EEPD1: variants seen among roughly 807,000 people sequenced by gnomAD.
EEPD1 encodes endonuclease/exonuclease/phosphatase family domain containing 1.
A neutral mutation model predicts 46.3 loss-of-function variants in EEPD1; 17 were observed. The ratio of observed to expected loss-of-function variants is 0.37; its 90% CI spans 0.25 to 0.55. The LOEUF is 0.55. Ranked by LOEUF, EEPD1 falls within the 20% of genes least tolerant of loss-of-function variation. EEPD1 has a pLI of 0.83. For synonymous variants in EEPD1, 313 were observed against 315.6 expected, an observed-to-expected ratio of 0.99 and a Z score of 0.09; for missense variants, 673 against 745.6, an observed-to-expected ratio of 0.90 and a Z score of 1.13.
At chr7:36,199,502 G>A (rs1402688876) in intron 2 of EEPD1, among the ~76,000 whole-genome samples, 5 of 152,100 alleles carry the variant, frequency 3.3e-5, no homozygotes, top group African/African-American at 9.7e-5. Context: ...TCCTGGGTTA[G>A]CAGTCATGAC....
At chr7:36,198,332 AAAAAG>A (rs1165833755) in intron 2 of EEPD1, among the ~76,000 whole-genome samples, 4 of 141,624 alleles carry the variant, frequency 2.8e-5, no homozygotes, top group Non-Finnish European at 6.2e-5. Context: ...AAGAAAAAAA[AAAAAG>A]AAAAGAAAAA....
At chr7:36,209,592 A>G (rs1785887911) in intron 2 of EEPD1, among the ~76,000 whole-genome samples, 1 of 152,170 alleles carries the variant, frequency 6.6e-6, no homozygotes, top group Non-Finnish European at 1.5e-5. Flanking sequence ...ATGGGAGGCT[A>G]TTAAGAGCCA....
At chr7:36,265,506 A>T (rs909746304) in intron 3 of EEPD1, among the ~76,000 whole-genome samples, 3 of 152,202 alleles carry the variant, frequency 2.0e-5, no homozygotes, top group Non-Finnish European at 1.5e-5. Context: ...GCTATTGTAA[A>T]CTGCCAGCTT....
chr7:36,275,396 T>C (rs1220347725), intron 3 of EEPD1, among the ~76,000 whole-genome samples: 1 of 152,222 alleles, frequency 6.6e-6, no homozygotes, highest in Non-Finnish European at 1.5e-5. Context: ...TAGTGGTAGC[T>C]GGACAGACCA....
At chr7:36,291,806 TCACAAGGTGTGG>T (rs1787445293) in intron 6 of EEPD1, among the ~76,000 whole-genome samples, 1 of 152,318 alleles carries the variant, frequency 6.6e-6, no homozygotes, top group East Asian at 1.9e-4. Flanking sequence ...AAAGCCTCCT[TCACAAGGTGTGG>T]CAGAAATGCC....
At position 36,219,802 on chromosome 7, in the gene EEPD1, AGAGAGTGTGT is replaced by A. The variant is rs1170482472; in HGVS notation, c.879-19181_879-19172del. 1.9e-3 allele frequency among the ~76,000 whole-genome samples: 127 copies of A among 67,316 alleles called. 2 individuals carry two copies. Among genetic ancestry groups the A allele is most frequent in the African/African-American group, 2.7e-3 (61 of 22,868 alleles). The allele number at this position is 67,316 out of a possible 152,430, so 44.2% of individuals were successfully genotyped here. A position where few individuals can be genotyped will look rare whatever the true frequency, so the allele number is the denominator to read the frequency against. On this transcript the variant is annotated intron_variant, in intron 2 of 7. Coordinates refer to ENST00000242108, the MANE Select transcript of EEPD1 (RefSeq NM_030636.3). ...GAGAGAGAGAGAGAGAGAGAGAGAGAGAGAGTGTGTGTGTGTGTGTGTGTGTGTGTGTGTG... is the reference window on the plus strand; with the variant it reads ...GAGAGAGAGAGAGAGAGAGAGAGAGAGTGTGTGTGTGTGTGTGTGTGTGTG...
chr7:36,263,144 C>T (rs144412656), intron 3 of EEPD1, among the ~76,000 whole-genome samples: 1 of 152,094 alleles, frequency 6.6e-6, no homozygotes, highest in Non-Finnish European at 1.5e-5. Flanking sequence ...CCAGCCTGGG[C>T]AACATGGTGA....
chr7:36,197,525 A>G (rs1017964265), intron 2 of EEPD1, among the ~76,000 whole-genome samples: 41 of 152,354 alleles, frequency 2.7e-4, no homozygotes, highest in African/African-American at 9.4e-4. Flanking sequence ...GTGTCTGTGT[A>G]GAAAGAGGTA....
At chr7:36,219,806 A>AGAGAGAGAGAGAGAGAGTGTGTGT (rs1341203087) in intron 2 of EEPD1, among the ~76,000 whole-genome samples, 2 of 75,402 alleles carry the variant, frequency 2.7e-5, no homozygotes, top group African/African-American at 9.1e-5. Context: ...AGAGAGAGAG[A>AGAGAGAGAGAGAGAGAGTGTGTGT]GTGTGTGTGT....
intron 2 of EEPD1, among the ~76,000 whole-genome samples, chr7:36,196,564 G>A (rs533900858): frequency 1.4e-4 from 21 of 152,214 alleles, no homozygotes; most frequent in Non-Finnish European, 2.2e-4. Flanking sequence ...GGCGCGCGCC[G>A]CCACGCCTGA....
At chr7:36,271,520 G>A (rs196577) in intron 3 of EEPD1, among the ~76,000 whole-genome samples, 18,922 of 151,752 alleles carry the variant, frequency 0.12, 1,580 homozygotes, top group Non-Finnish European at 0.18. Context: ...GCCCTTTGTC[G>A]GACTGATAGA....
intron 2 of EEPD1, among the ~76,000 whole-genome samples, chr7:36,213,155 A>G (rs1446747195): frequency 6.6e-6 from 1 of 152,214 alleles, no homozygotes; most frequent in East Asian, 1.9e-4. Flanking sequence ...TCCAACTCCA[A>G]AAAATAAAAA....
At chr7:36,289,582 C>A (rs926955367) in intron 6 of EEPD1, among the ~76,000 whole-genome samples, 12 of 152,192 alleles carry the variant, frequency 7.9e-5, no homozygotes, top group African/African-American at 2.7e-4. Flanking sequence ...GCAAGCTCCG[C>A]CTCCCGGGTT....
intron 2 of EEPD1, among the ~76,000 whole-genome samples, chr7:36,171,357 TAAAAC>T: frequency 6.6e-6 from 1 of 152,310 alleles, no homozygotes; most frequent in Non-Finnish European, 1.5e-5. Context: ...GTTGCTGGCT[TAAAAC>T]AAACCAAAAA....
chr7:36,276,144 T>C (rs189456479), intron 3 of EEPD1, among the ~76,000 whole-genome samples: 1 of 152,304 alleles, frequency 6.6e-6, no homozygotes, highest in East Asian at 1.9e-4. Flanking sequence ...CCCAGGTGGT[T>C]AGACATTCTA....
At chr7:36,206,677 G>A (rs1283076607) in intron 2 of EEPD1, among the ~76,000 whole-genome samples, 2 of 152,150 alleles carry the variant, frequency 1.3e-5, no homozygotes, top group African/African-American at 4.8e-5. Context: ...ATAAGTTATA[G>A]GTAATAAGAA....
chr7:36,296,030 C>CAAAAAAA (rs34494609), intron 6 of EEPD1, among the ~76,000 whole-genome samples: 5 of 71,930 alleles, frequency 7.0e-5, no homozygotes, highest in Non-Finnish European at 1.2e-4. Context: ...GACTGTCTCA[C>CAAAAAAA]AAAAAAAAAA....
intron 3 of EEPD1, among the ~76,000 whole-genome samples, chr7:36,265,880 G>C (rs184396394): frequency 1.3e-5 from 2 of 152,320 alleles, no homozygotes; most frequent in East Asian, 3.9e-4. Context: ...ACCTGGGGCA[G>C]ATCCCTTTTT....
At chr7:36,292,660 AC>A (rs1787466713) in intron 6 of EEPD1, among the ~76,000 whole-genome samples, 1 of 151,878 alleles carries the variant, frequency 6.6e-6, no homozygotes, top group African/African-American at 2.4e-5. Context: ...GGCGCCCACC[AC>A]TATGCCCAGC....
Sources: gnomAD v4.1 joint callset for allele counts (sites outside exome capture counted in the v4.1 genomes callset) on GRCh38, gnomAD v4.1.1 for gene constraint, MANE v1.5 for transcripts, NCBI Gene and HGNC (gene_info 2026-07-23, HGNC 2026-07-21) for gene names.